Variants in NAALADL2 observed in about 807,000 individuals in gnomAD.
The protein encoded by NAALADL2 is inactive N-acetylated-alpha-linked acidic dipeptidase-like protein 2.
In NAALADL2, 76 loss-of-function variants were observed where a neutral mutation model predicts 87.2. That is an observed-to-expected ratio of 0.87 (90% CI 0.72 to 1.05). The LOEUF is 1.05. Among genes scored for constraint, NAALADL2 ranks in the 50% least tolerant of loss-of-function variants. The pLI, the probability that NAALADL2 is intolerant of heterozygous loss-of-function variation, is 0.00. For synonymous variants in NAALADL2, 354 were observed against 331.0 expected (o/e 1.07, Z -0.75); for missense variants, 1,089 against 945.8 (o/e 1.15, Z -1.99).
At chr3:174,488,073 A>T (rs532754470) in intron 1 of NAALADL2, among the ~76,000 whole-genome samples, 12 of 152,094 alleles carry the variant, frequency 7.9e-5, no homozygotes, top group Non-Finnish European at 1.5e-5. Context: ...GGAGAAGAAT[A>T]AATTGGAGAT....
intron 2 of NAALADL2, among the ~76,000 whole-genome samples, chr3:175,119,330 A>G (rs913041719): frequency 6.6e-6 from 1 of 151,780 alleles, no homozygotes; most frequent in African/African-American, 2.4e-5. Flanking sequence ...CAGAAGGATA[A>G]TAAAAATTTG....
chr3:174,549,277 G>C (rs1711809409), intron 1 of NAALADL2, among the ~76,000 whole-genome samples: 1 of 152,206 alleles, frequency 6.6e-6, no homozygotes, highest in Admixed American at 6.5e-5. Flanking sequence ...CATATATTAA[G>C]AGCTGGAGTA....
At chr3:175,043,719 C>T (rs1367806805) in intron 1 of NAALADL2, among the ~76,000 whole-genome samples, 3 of 152,108 alleles carry the variant, frequency 2.0e-5, no homozygotes, top group Non-Finnish European at 4.4e-5. Context: ...GCTCTCATTT[C>T]TCTTCTGTTA....
At chr3:175,522,026 T>C (rs536130121) in intron 9 of NAALADL2, among the ~76,000 whole-genome samples, 10 of 152,272 alleles carry the variant, frequency 6.6e-5, no homozygotes, top group African/African-American at 2.2e-4. Flanking sequence ...TATTTAAAAA[T>C]GTCTTTCCCA....
At chr3:175,144,633 G>C (rs1432177326) in intron 2 of NAALADL2, among the ~76,000 whole-genome samples, 1 of 151,848 alleles carries the variant, frequency 6.6e-6, no homozygotes, top group Non-Finnish European at 1.5e-5. Context: ...GCAGGATCAT[G>C]CTATATACAG....
chr3:174,570,468 TA>T (rs1714798990), intron 2 of NAALADL2, among the ~76,000 whole-genome samples: 1 of 152,160 alleles, frequency 6.6e-6, no homozygotes. Flanking sequence ...TTTAAAATCA[TA>T]AAAGTTTTAA....
At chr3:174,833,396 C>A (rs1441353125) in intron 3 of NAALADL2, among the ~76,000 whole-genome samples, 2 of 152,020 alleles carry the variant, frequency 1.3e-5, no homozygotes, top group Admixed American at 6.5e-5. Context: ...TACAGTTAAG[C>A]AAAACAAATT....
rs1391578729 is a variant in NAALADL2, at chr3:174,979,391, C to T, written c.44-117399C>T. ...CACAGTCTCGGCTCACTGCAAGCTC[C>T]GCCTCCTGGGTTCACGCCATTCTCC... On this transcript the variant is annotated intron_variant, in intron 1 of 13. Transcript: ENST00000454872. 6.7e-5 allele frequency among the ~76,000 whole-genome samples: 10 copies of T among 149,004 alleles called. No individual in the cohort carries two copies. In the South Asian group the frequency reaches 8.4e-4, roughly 13 times the overall value.
chr3:175,404,189 C>G (rs1452872189), intron 5 of NAALADL2, among the ~76,000 whole-genome samples: 1 of 152,050 alleles, frequency 6.6e-6, no homozygotes, highest in Non-Finnish European at 1.5e-5. Context: ...GTAGTGGAAA[C>G]AGCAAGTACT....
chr3:175,017,504 T>C (rs1473189147), intron 1 of NAALADL2, among the ~76,000 whole-genome samples: 2 of 152,042 alleles, frequency 1.3e-5, no homozygotes, highest in Non-Finnish European at 2.9e-5. Context: ...AAGGAATCCT[T>C]CTTCCTGGAA....
intron 10 of NAALADL2, among the ~76,000 whole-genome samples, chr3:175,599,692 C>A (rs1722696991): frequency 6.6e-6 from 1 of 152,064 alleles, no homozygotes; most frequent in Non-Finnish European, 1.5e-5. Flanking sequence ...AATCATTTTC[C>A]AGTTAATGGA....
chr3:175,564,044 A>G (rs1361942862), intron 9 of NAALADL2, among the ~76,000 whole-genome samples: 2 of 151,966 alleles, frequency 1.3e-5, no homozygotes, highest in East Asian at 3.9e-4. Context: ...CCGATTTCTC[A>G]CTCTCAGCAT....
intron 3 of NAALADL2, among the ~76,000 whole-genome samples, chr3:174,845,439 G>C (rs941516975): frequency 3.9e-5 from 6 of 152,302 alleles, no homozygotes; most frequent in African/African-American, 1.4e-4. Flanking sequence ...TTTTTCCTAG[G>C]GAAGGCAGGG....
intron 3 of NAALADL2, among the ~76,000 whole-genome samples, chr3:174,825,857 C>T (rs937763191): frequency 1.3e-5 from 2 of 152,094 alleles, no homozygotes; most frequent in African/African-American, 4.8e-5. Flanking sequence ...GAAACCTCGT[C>T]TCTACTAAAA....
chr3:174,925,857 G>A (rs1048491691), intron 1 of NAALADL2, among the ~76,000 whole-genome samples: 2 of 152,118 alleles, frequency 1.3e-5, no homozygotes, highest in Non-Finnish European at 2.9e-5. Context: ...GCTGGATGGA[G>A]AATGACTTTG....
chr3:175,168,269 A>T lies in NAALADL2; in HGVS notation c.546-65662A>T, dbSNP rs1447326578. ...CAAAGGCCACCTTAAGGAATCAAAA[A>T]ATCTGCACTTTTAGGAACTAAAACT... On this transcript the variant is annotated intron_variant, in intron 2 of 13. Transcript: ENST00000454872. 2.6e-5 allele frequency among the ~76,000 whole-genome samples: 4 copies of T among 151,924 alleles called. No individual in the cohort carries two copies. In the East Asian group the frequency reaches 7.7e-4, roughly 29 times the overall value.
chr3:174,802,827 C>A (rs1200087622), intron 3 of NAALADL2, among the ~76,000 whole-genome samples: 5 of 152,010 alleles, frequency 3.3e-5, no homozygotes, highest in Non-Finnish European at 7.4e-5. Flanking sequence ...CTTTTTTATG[C>A]CTGTATGGTA....
chr3:175,230,926 T>A (rs2109444885), intron 2 of NAALADL2, among the ~76,000 whole-genome samples: 1 of 152,124 alleles, frequency 6.6e-6, no homozygotes, highest in Middle Eastern at 3.4e-3. Flanking sequence ...AAGAAACTTT[T>A]GCATATGTCT....
chr3:174,775,427 T>C (rs886340085), intron 3 of NAALADL2, among the ~76,000 whole-genome samples: 4 of 152,162 alleles, frequency 2.6e-5, no homozygotes, highest in African/African-American at 7.2e-5. Context: ...CTTGTTTCAG[T>C]TGGCATGTGT....
Sources: allele counts gnomAD v4.1 joint callset (sites outside exome capture counted in the v4.1 genomes callset), GRCh38; gene constraint gnomAD v4.1.1; transcripts MANE v1.5; gene names NCBI Gene and HGNC (gene_info 2026-07-23, HGNC 2026-07-21).